ANKUB1: variants seen among roughly 807,000 people sequenced by gnomAD.
ANKUB1 encodes protein ANKUB1.
Under a neutral mutation model 49.3 loss-of-function variants are expected in ANKUB1, and 42 were observed. The observed-to-expected ratio is 0.85, with a 90% CI of 0.67 to 1.10. The LOEUF is 1.10. ANKUB1 is among the 50% of genes least tolerant of loss of function. The pLI, the probability that ANKUB1 is intolerant of heterozygous loss-of-function variation, is 0.00. For missense variants in ANKUB1, 613 were observed against 642.0 expected (o/e 0.95, Z 0.49); for synonymous variants, 222 against 231.0 (o/e 0.96, Z 0.35).
intron 2 of ANKUB1, among the ~76,000 whole-genome samples, chr3:149,782,158 T>A (rs963734514): frequency 6.6e-6 from 1 of 152,152 alleles, no homozygotes; most frequent in African/African-American, 2.4e-5. Flanking sequence ...AATTTATATT[T>A]AGAATTAAAT....
intron 4 of ANKUB1, among the ~76,000 whole-genome samples, chr3:149,768,870 T>C (rs1717193844): frequency 6.6e-6 from 1 of 152,184 alleles, no homozygotes. Flanking sequence ...CTGATCTTAG[T>C]TTCCTCATGT....
At position 149,767,908 on chromosome 3, in the gene ANKUB1, G is replaced by A; in HGVS notation, c.754C>T (p.Gln252Ter). 6.4e-7 allele frequency: 1 copy of A among 1,550,990 alleles called. No homozygotes were observed. The highest frequency in any genetic ancestry group is 8.7e-7 in the Non-Finnish European group (1 of 1,146,426). ...CPIHAAAEAG[Q>*]LLILKAFVNY... ...ACAAAGGCCTTCAGAATCAACAGTT[G>A]GCCTGCTTCTGCGGCTGCATGAATG... The change falls in exon 5 of 6, where the codon CAA (glutamine) becomes TAA (stop). Residue 252 changes from glutamine (Q) to a stop codon, truncating the protein, a stop_gained. Coordinates refer to ENST00000446160, the MANE Select transcript of ANKUB1 (RefSeq NM_001144960.3). LOFTEE classifies it high-confidence loss of function.
intron 2 of ANKUB1, 57 bp downstream of exon 2, chr3:149,790,724 C>A: frequency 6.8e-7 from 1 of 1,476,348 alleles, no homozygotes. Context: ...GACTTATCCC[C>A]AACTTTATTC....
At chr3:149,786,209 G>A (rs1349675187) in intron 2 of ANKUB1, among the ~76,000 whole-genome samples, 1 of 152,004 alleles carries the variant, frequency 6.6e-6, no homozygotes, top group Non-Finnish European at 1.5e-5. Context: ...CTAATTTTTT[G>A]TACTTTTAGT....
intron 3 of ANKUB1, among the ~76,000 whole-genome samples, chr3:149,775,542 C>T (rs1193384786): frequency 6.6e-6 from 1 of 152,072 alleles, no homozygotes; most frequent in Non-Finnish European, 1.5e-5. Context: ...GACCCTGGAG[C>T]CAGCTCAGAT....
rs142573681 is a variant in ANKUB1 at position 149,786,615 on chromosome 3, G to A, written c.234+4166C>T. Among the ~76,000 whole-genome samples, 537 of 152,254 alleles carry A rather than the reference G, an allele frequency of 3.5e-3. 5 individuals carry two copies. The highest frequency in any genetic ancestry group is 0.012 in the African/African-American group (510 of 41,540). On this transcript the variant is annotated intron_variant, in intron 2 of 5. Coordinates refer to ENST00000446160, the MANE Select transcript of ANKUB1 (RefSeq NM_001144960.3). ...ATCCCATTTATCAATTTTGGCTTTT[G>A]TTGCCATTGCTTTTGGTGTTTTAGT... is the stretch of plus-strand genomic sequence containing the variant.
intron 5 of ANKUB1, among the ~76,000 whole-genome samples, chr3:149,764,986 C>T (rs763521749): frequency 5.3e-5 from 8 of 152,132 alleles, no homozygotes; most frequent in South Asian, 2.1e-4. Flanking sequence ...GAGAAGTGAA[C>T]GCAGATGTCC....
chr3:149,778,059 A>G (rs1448853440), intron 3 of ANKUB1, among the ~76,000 whole-genome samples: 2 of 152,178 alleles, frequency 1.3e-5, no homozygotes, highest in Non-Finnish European at 2.9e-5. Context: ...CCTGTAAGAG[A>G]AGCTGATCAA....
At chr3:149,770,154 A>G (rs191502596) in intron 4 of ANKUB1, among the ~76,000 whole-genome samples, 9 of 152,224 alleles carry the variant, frequency 5.9e-5, no homozygotes, top group African/African-American at 2.2e-4. Flanking sequence ...AATATGGTAT[A>G]TAATACATAT....
intron 3 of ANKUB1, among the ~76,000 whole-genome samples, chr3:149,777,352 G>A (rs757081959): frequency 3.3e-5 from 5 of 152,062 alleles, no homozygotes; most frequent in Admixed American, 6.6e-5. Context: ...CGTGCCTGTA[G>A]TCCCAGCTAC....
Position 149,770,616 on chromosome 3 carries a change from G to T in ANKUB1, c.510C>A (p.Leu170=), listed in dbSNP as rs1559864022. The T allele has an allele frequency of 1.3e-6, 2 of 1,550,018 alleles. No homozygotes were observed. The highest frequency in any genetic ancestry group is 2.5e-5 in the East Asian group (1 of 40,790). The stretch of plus-strand genomic sequence containing the variant: ...GTTGGACTTTAAGTTTTTGTCCAAG[G>T]AGACAACCCATCAGAAATTCCTTCC... ...DGWKEFLMGC[L]LGQKLKVQRY... is the part of the protein sequence containing the mutation. The change falls in exon 4 of 6, where the codon CTC becomes CTA. Residue 170 remains leucine (L), a synonymous_variant. Coordinates refer to ENST00000446160, the MANE Select transcript of ANKUB1 (RefSeq NM_001144960.3).
intron 4 of ANKUB1, among the ~76,000 whole-genome samples, chr3:149,769,756 T>C (rs1165230438): frequency 6.6e-6 from 1 of 152,238 alleles, no homozygotes; most frequent in African/African-American, 2.4e-5. Flanking sequence ...TGAATTAATA[T>C]CACTTTTACA....
chr3:149,790,901 AG>A lies in ANKUB1; in HGVS notation c.113del (p.Ser38LeufsTer12). 1 of 1,551,970 alleles carries A rather than the reference AG, an allele frequency of 6.4e-7. No homozygotes were observed. Among genetic ancestry groups the A allele is most frequent in the Non-Finnish European group, 8.7e-7 (1 of 1,147,022 alleles). Reference sequence around the variant, plus strand: ...GATACCGCCTGCCTTGTTTGTCTTCAGAGAGAGGAATGTGGAAATAATCCTT... The same window carrying A: ...GATACCGCCTGCCTTGTTTGTCTTCAAGAGAGGAATGTGGAAATAATCCTT... Reference protein sequence around the residue: ...MIKDYFHIPLSEDKQGRRYLE... With the variant: ...MIKDYFHIPLXEDKQGRRYLE... On this transcript the variant is annotated frameshift_variant, in exon 2 of 6. Coordinates refer to ENST00000446160, the MANE Select transcript of ANKUB1 (RefSeq NM_001144960.3). LOFTEE classifies it high-confidence loss of function.
chr3:149,768,052 A>C lies in ANKUB1; in HGVS notation c.610T>G (p.Tyr204Asp). 1 of 1,450,312 alleles carries C rather than the reference A, an allele frequency of 6.9e-7. No homozygotes were observed. Among genetic ancestry groups the C allele is most frequent in the Non-Finnish European group, 9.1e-7 (1 of 1,096,294 alleles). 89.8% of individuals were successfully genotyped at this position (1,450,312 alleles called of 1,614,324 possible). A position where few individuals can be genotyped will look rare whatever the true frequency, so the allele number is the denominator to read the frequency against. ...AGGGCCCATTCAGTGAGTTCAATGT[A>C]CCCACAAAAAGCAGCAATGTACAGG... The part of the protein sequence containing the change: ...VALYIAAFCG[Y>D]IELTEWALKQ... The change falls in exon 5 of 6, where the codon TAC (tyrosine) becomes GAC (aspartate). Residue 204 changes from tyrosine (Y) to aspartate (D), a missense_variant. Transcript: ENST00000446160.
chr3:149,766,664 G>A (rs1261274704), intron 5 of ANKUB1: 1 of 550,606 alleles, frequency 1.8e-6, no homozygotes, highest in Non-Finnish European at 3.3e-6. Context: ...CAGATATAGT[G>A]GCATGTGCCT....
chr3:149,764,222 G>A (rs1716893933), intron 5 of ANKUB1, among the ~76,000 whole-genome samples: 1 of 152,148 alleles, frequency 6.6e-6, no homozygotes, highest in Non-Finnish European at 1.5e-5. Flanking sequence ...TGCCTTGACT[G>A]TCTACTTCAG....
intron 2 of ANKUB1, among the ~76,000 whole-genome samples, chr3:149,780,658 GA>G (rs1256993821): frequency 1.3e-5 from 2 of 152,154 alleles, no homozygotes; most frequent in Non-Finnish European, 2.9e-5. Flanking sequence ...TGAGTGAAGT[GA>G]AAAAGACTTG....
chr3:149,761,453 T>C lies in ANKUB1; in HGVS notation c.*31A>G. 6.5e-7 allele frequency: 1 copy of C among 1,550,212 alleles called. No homozygotes were observed. Among genetic ancestry groups the C allele is most frequent in the Non-Finnish European group, 8.7e-7 (1 of 1,145,804 alleles). On this transcript the variant is annotated 3_prime_UTR_variant, in exon 6 of 6. Coordinates refer to ENST00000446160, the MANE Select transcript of ANKUB1 (RefSeq NM_001144960.3). ...GAACTGGACATTCTGTTTGATCAGG[T>C]CTTTGTCCAAACTGAAGTTGTCATG...
intron 2 of ANKUB1, among the ~76,000 whole-genome samples, chr3:149,782,657 C>T (rs148708243): frequency 0.01 from 1,553 of 152,142 alleles, 22 homozygotes; most frequent in African/African-American, 0.036. Flanking sequence ...AGCAATCCTC[C>T]CACCTCAGCC....
Sources: allele counts gnomAD v4.1 joint callset (sites outside exome capture counted in the v4.1 genomes callset), GRCh38; gene constraint gnomAD v4.1.1; transcripts MANE v1.5; gene names NCBI Gene and HGNC (gene_info 2026-07-23, HGNC 2026-07-21).